Variants in SGPP2 observed in about 807,000 individuals in gnomAD.
The protein encoded by SGPP2 is sphingosine 1-phosphate phosphohydrolase 2.
SGPP2 carries 30 observed loss-of-function variants against 33.9 expected under a neutral mutation model. The ratio of observed to expected loss-of-function variants is 0.89; its 90% CI spans 0.66 to 1.20. SGPP2 has a LOEUF of 1.20. Among genes scored for constraint, SGPP2 ranks in the 50% most tolerant of loss-of-function variants. SGPP2 has a pLI of 0.00. For missense variants in SGPP2, 458 were observed against 532.1 expected (o/e 0.86, Z 1.37); for synonymous variants, 233 against 225.0 (o/e 1.04, Z -0.32).
Position 222,459,736 on chromosome 2 carries a change from G to A in SGPP2, c.220-14832G>A, listed in dbSNP as rs987640351. Reference sequence around the variant, plus strand: ...TCTACCATTCTGAAATGAGGGCTGTGAGGACTTTGTACATTTCTTTTCTCC... The same window carrying A: ...TCTACCATTCTGAAATGAGGGCTGTAAGGACTTTGTACATTTCTTTTCTCC... On this transcript the variant is annotated intron_variant, in intron 1 of 4. Transcript: ENST00000321276. Among the ~76,000 whole-genome samples, 9 of 152,198 alleles carry A rather than the reference G, an allele frequency of 5.9e-5. No individual in the cohort carries two copies. In the East Asian group the frequency reaches 1.7e-3, roughly 29 times the overall value.
At chr2:222,521,717 A>G (rs1417335144) in intron 2 of SGPP2, 50 bp from the exon 3 acceptor site, 6 of 1,551,126 alleles carry the variant, frequency 3.9e-6, no homozygotes, top group Non-Finnish European at 5.2e-6. Context: ...TTGGAAATGC[A>G]TTCATTTTCC....
chr2:222,561,251 C>A lies in SGPP2; in HGVS notation c.*2353C>A, dbSNP rs556419167. Among the ~76,000 whole-genome samples the A allele has an allele frequency of 1.5e-4, 23 of 152,232 alleles. No individual in the cohort carries two copies. The East Asian group carries it at 4.4e-3, about 29-fold the overall frequency. On this transcript the variant is annotated 3_prime_UTR_variant, in exon 5 of 5. Coordinates refer to ENST00000321276, the MANE Select transcript of SGPP2 (RefSeq NM_152386.4). ...TCTGCCCAGTATTTGCAGCACAACT[C>A]AGGGGAAGGGCCTTAGCTTACAGGT...
chr2:222,494,957 G>A lies in SGPP2; in HGVS notation c.378+20231G>A, dbSNP rs117612305. Among the ~76,000 whole-genome samples, 332 of 152,224 alleles carry A rather than the reference G, an allele frequency of 2.2e-3. 7 individuals are homozygous for A. The East Asian group carries it at 0.049, about 22-fold the overall frequency. On this transcript the variant is annotated intron_variant, in intron 2 of 4. Transcript: ENST00000321276. ...TGAGGCAGGAGAATTGATTGAACCC[G>A]GGAGGTGGAGGTAGCAGTGAGCCAA...
chr2:222,551,066 C>T (rs1309869782), intron 4 of SGPP2, among the ~76,000 whole-genome samples: 2 of 152,006 alleles, frequency 1.3e-5, no homozygotes, highest in Admixed American at 6.6e-5. Context: ...TTATTCTCAC[C>T]ATTTTTGCTC....
At chr2:222,533,427 A>G (rs1271648558) in intron 4 of SGPP2, among the ~76,000 whole-genome samples, 1 of 152,178 alleles carries the variant, frequency 6.6e-6, no homozygotes, top group African/African-American at 2.4e-5. Context: ...GCAACCTGGG[A>G]GCCACTCCTG....
intron 4 of SGPP2, among the ~76,000 whole-genome samples, chr2:222,539,085 G>A (rs1698956132): frequency 6.6e-6 from 1 of 152,164 alleles, no homozygotes; most frequent in South Asian, 2.1e-4. Flanking sequence ...CAAGTTCAGA[G>A]TCCCAAGTCC....
At chr2:222,487,879 C>T (rs568000527) in intron 2 of SGPP2, among the ~76,000 whole-genome samples, 3 of 152,258 alleles carry the variant, frequency 2.0e-5, no homozygotes, top group African/African-American at 4.8e-5. Flanking sequence ...AGAAGAGTTC[C>T]GCTTGGCAAC....
chr2:222,488,288 C>T (rs147239692), intron 2 of SGPP2, among the ~76,000 whole-genome samples: 1 of 152,168 alleles, frequency 6.6e-6, no homozygotes, highest in Non-Finnish European at 1.5e-5. Context: ...CTGTTAGGAA[C>T]CAGGTCACAC....
intron 3 of SGPP2, among the ~76,000 whole-genome samples, chr2:222,523,335 A>G (rs760468307): frequency 4.7e-4 from 72 of 152,242 alleles, no homozygotes; most frequent in Non-Finnish European, 5.6e-4. Flanking sequence ...AACTTAGTGC[A>G]GGCTGCTGAG....
At chr2:222,536,346 T>C (rs1210478078) in intron 4 of SGPP2, among the ~76,000 whole-genome samples, 6 of 152,240 alleles carry the variant, frequency 3.9e-5, no homozygotes, top group Non-Finnish European at 8.8e-5. Context: ...TACTCTATTT[T>C]AGCTGAAAGG....
At chr2:222,534,603 A>T (rs1449464137) in intron 4 of SGPP2, among the ~76,000 whole-genome samples, 1 of 152,118 alleles carries the variant, frequency 6.6e-6, no homozygotes, top group Admixed American at 6.5e-5. Context: ...CATGTTGTTT[A>T]AAAAAACTTA....
intron 2 of SGPP2, among the ~76,000 whole-genome samples, chr2:222,497,271 T>TTA (rs1553538223): frequency 1.3e-5 from 2 of 150,144 alleles, no homozygotes; most frequent in African/African-American, 4.9e-5. Context: ...TTTTTTTTTT[T>TTA]AGACGGAGTC....
chr2:222,559,205 C>T lies in SGPP2; in HGVS notation c.*307C>T, dbSNP rs4674665. 0.95 allele frequency: 208,098 copies of T among 218,742 alleles called. 99,201 individuals are homozygous for T. Among genetic ancestry groups the T allele is most frequent in the East Asian group, 1 (10,846 of 10,850 alleles). The allele number at this position is 218,742 out of a possible 1,614,324, so 13.6% of individuals were successfully genotyped here. A position where few individuals can be genotyped will look rare whatever the true frequency, so the allele number is the denominator to read the frequency against. ...GGCCCCTGCTCCTCTCGCTGTTGCA[C>T]GGGCTTTGGATCTAGTCATGGGCTG... On this transcript the variant is annotated 3_prime_UTR_variant, in exon 5 of 5. Transcript: ENST00000321276.
intron 4 of SGPP2, among the ~76,000 whole-genome samples, chr2:222,530,418 A>G (rs569164559): frequency 1.3e-5 from 2 of 152,348 alleles, no homozygotes; most frequent in Admixed American, 1.3e-4. Context: ...ACCTTCATCA[A>G]TGACCTTAGC....
intron 1 of SGPP2, among the ~76,000 whole-genome samples, chr2:222,427,688 A>G (rs1483386611): frequency 2.0e-5 from 3 of 152,258 alleles, no homozygotes; most frequent in Non-Finnish European, 4.4e-5. Context: ...TTCAAACAAT[A>G]GAGAAGTTTT....
chr2:222,430,170 C>G (rs1697130863), intron 1 of SGPP2, among the ~76,000 whole-genome samples: 1 of 152,102 alleles, frequency 6.6e-6, no homozygotes, highest in African/African-American at 2.4e-5. Context: ...CAGGGGAGCC[C>G]ATGAAGTCTT....
intron 2 of SGPP2, chr2:222,498,513 AT>A (rs1698317785): frequency 6.6e-6 from 1 of 152,098 alleles, no homozygotes; most frequent in Non-Finnish European, 1.5e-5. Flanking sequence ...TCATTCATTC[AT>A]TCATTCATTC....
In SGPP2 at chr2:222,438,276, G is replaced by C. The variant is rs757968183; in HGVS notation, c.219+13455G>C. 1.3e-5 allele frequency among the ~76,000 whole-genome samples: 2 copies of C among 152,142 alleles called. 1 individual carries two copies. Among genetic ancestry groups the C allele is most frequent in the Admixed American group, 1.3e-4 (2 of 15,280 alleles). On this transcript the variant is annotated intron_variant, in intron 1 of 4. Coordinates refer to ENST00000321276, the MANE Select transcript of SGPP2 (RefSeq NM_152386.4). ...GGTAGAAGCTCCCTGAGTTTTAGTC[G>C]GGCTTATTTCCCATCCTCTGGCACG...
chr2:222,466,032 G>T (rs943765544), intron 1 of SGPP2, among the ~76,000 whole-genome samples: 1 of 152,236 alleles, frequency 6.6e-6, no homozygotes, highest in Admixed American at 6.5e-5. Context: ...GGTGGCTCAT[G>T]CCTGAAATCC....
Sources: allele counts gnomAD v4.1 joint callset (sites outside exome capture counted in the v4.1 genomes callset), GRCh38; gene constraint gnomAD v4.1.1; transcripts MANE v1.5; gene names NCBI Gene and HGNC (gene_info 2026-07-23, HGNC 2026-07-21).